The following CHCHD3 variants were observed in gnomAD, a reference collection of about 807,000 sequenced individuals.
The protein encoded by CHCHD3 is MICOS complex subunit MIC19.
A neutral mutation model predicts 38.2 loss-of-function variants in CHCHD3; 20 were observed. The observed-to-expected ratio is 0.52, with a 90% confidence interval of 0.37 to 0.76. The LOEUF (loss-of-function observed/expected upper bound fraction) is 0.76. Among genes scored for constraint, CHCHD3 ranks in the 30% least tolerant of loss-of-function variants. CHCHD3 has a pLI of 0.00. For missense variants in CHCHD3, 245 were observed against 279.2 expected (o/e 0.88, Z 0.87); for synonymous variants, 82 against 100.0 (o/e 0.82, Z 1.07).
chr7:132,995,350 A>T (rs1377537610), intron 3 of CHCHD3, among the ~76,000 whole-genome samples: 6 of 152,232 alleles, frequency 3.9e-5, no homozygotes, highest in African/African-American at 7.2e-5. Context: ...TAACAAGTCC[A>T]TCACCTCCCA....
At chr7:133,020,481 G>A (rs1813149324) in intron 3 of CHCHD3, among the ~76,000 whole-genome samples, 1 of 152,214 alleles carries the variant, frequency 6.6e-6, no homozygotes, top group Non-Finnish European at 1.5e-5. Flanking sequence ...AAGGGCTTCT[G>A]CATTAAGTAG....
chr7:132,880,034 A>C (rs1809013927), intron 5 of CHCHD3, among the ~76,000 whole-genome samples: 1 of 152,166 alleles, frequency 6.6e-6, no homozygotes, highest in Non-Finnish European at 1.5e-5. Flanking sequence ...AATGCTTAAC[A>C]CTTTTAGGTT....
chr7:132,837,714 C>T (rs537725443), intron 6 of CHCHD3, among the ~76,000 whole-genome samples: 7 of 152,196 alleles, frequency 4.6e-5, no homozygotes, highest in South Asian at 2.1e-4. Context: ...CACTAATTTG[C>T]GCATGTGCTA....
chr7:132,850,589 C>T (rs1808197042), intron 5 of CHCHD3, among the ~76,000 whole-genome samples: 1 of 151,896 alleles, frequency 6.6e-6, no homozygotes, highest in Non-Finnish European at 1.5e-5. Context: ...TTAAAATAAA[C>T]AACTGCACCA....
At chr7:133,052,187 T>TA (rs1562949239) in intron 2 of CHCHD3, 1 of 152,246 alleles carries the variant, frequency 6.6e-6, no homozygotes, top group Non-Finnish European at 1.5e-5. Context: ...CCCCTCATTG[T>TA]ATCAATTGCC....
At chr7:132,831,100 G>A (rs991111139) in intron 6 of CHCHD3, among the ~76,000 whole-genome samples, 10 of 152,112 alleles carry the variant, frequency 6.6e-5, no homozygotes, top group African/African-American at 1.4e-4. Context: ...CTGTAATATC[G>A]CATTCTTTTC....
intron 6 of CHCHD3, among the ~76,000 whole-genome samples, chr7:132,815,305 C>A (rs1053420261): frequency 2.6e-5 from 4 of 152,166 alleles, no homozygotes; most frequent in African/African-American, 9.7e-5. Context: ...TAAACTAAGG[C>A]CTTTGCCCAG....
chr7:132,863,786 T>C (rs566431376), intron 5 of CHCHD3, among the ~76,000 whole-genome samples: 348 of 152,366 alleles, frequency 2.3e-3, no homozygotes, highest in African/African-American at 7.0e-3. Flanking sequence ...CTTGCATTTT[T>C]ATGTTATGGA....
intron 4 of CHCHD3, among the ~76,000 whole-genome samples, chr7:132,939,412 A>T (rs976299025): frequency 1.3e-5 from 2 of 152,150 alleles, no homozygotes; most frequent in Non-Finnish European, 1.5e-5. Flanking sequence ...CTGTACCTTT[A>T]TAAATATGTT....
rs569007516 is a variant in CHCHD3, at chr7:132,999,694, T to C, written c.252-24408A>G. On this transcript the variant is annotated intron_variant, in intron 3 of 7. Transcript: ENST00000262570. ...ATCTATTATTCAATTTGATATTACA[T>C]GTTTTAAGCATTGATTAAAGTATTT... is the stretch of plus-strand genomic sequence containing the variant. Among the ~76,000 whole-genome samples the C allele has an allele frequency of 3.9e-5, 6 of 152,192 alleles. No individual in the cohort carries two copies. In the South Asian group the frequency reaches 1.2e-3, roughly 32 times the overall value.
chr7:132,833,053 T>C (rs556596626), intron 6 of CHCHD3, among the ~76,000 whole-genome samples: 8 of 152,244 alleles, frequency 5.3e-5, no homozygotes, highest in Non-Finnish European at 8.8e-5. Flanking sequence ...ATTTATTACT[T>C]TGTGCTAGGT....
chr7:132,962,311 T>C (rs1170092702), intron 4 of CHCHD3, among the ~76,000 whole-genome samples: 1 of 152,206 alleles, frequency 6.6e-6, no homozygotes, highest in Non-Finnish European at 1.5e-5. Context: ...AAAAACTCAA[T>C]TTATACGTAT....
At chr7:132,950,165 G>A (rs183103865) in intron 4 of CHCHD3, among the ~76,000 whole-genome samples, 3 of 152,202 alleles carry the variant, frequency 2.0e-5, no homozygotes, top group Admixed American at 6.5e-5. Flanking sequence ...GAGGTCATTT[G>A]GCTTTTTTAA....
chr7:133,039,465 C>G (rs910562297), intron 2 of CHCHD3, among the ~76,000 whole-genome samples: 2 of 152,154 alleles, frequency 1.3e-5, no homozygotes, highest in Admixed American at 6.5e-5. Flanking sequence ...TTAATCCATG[C>G]TGATAAATCA....
chr7:132,933,909 G>A (rs552967768), intron 4 of CHCHD3, among the ~76,000 whole-genome samples: 6 of 152,238 alleles, frequency 3.9e-5, no homozygotes, highest in Admixed American at 3.9e-4. Context: ...GTTTCAGGTA[G>A]CCTATCTGGG....
intron 7 of CHCHD3, among the ~76,000 whole-genome samples, chr7:132,793,020 C>T (rs1219314263): frequency 1.1e-4 from 16 of 152,300 alleles, no homozygotes; most frequent in East Asian, 5.8e-4. Flanking sequence ...CAAACCCTTT[C>T]GACACCCTTC....
intron 4 of CHCHD3, among the ~76,000 whole-genome samples, chr7:132,895,632 G>T (rs569822239): frequency 6.6e-6 from 1 of 152,350 alleles, no homozygotes; most frequent in South Asian, 2.1e-4. Flanking sequence ...CCTCATGACA[G>T]TGAATAAGTC....
chr7:132,942,625 A>G (rs1056075756), intron 4 of CHCHD3, among the ~76,000 whole-genome samples: 2 of 152,196 alleles, frequency 1.3e-5, no homozygotes, highest in African/African-American at 4.8e-5. Context: ...TTAAAAGAAG[A>G]TATCCATAAG....
At chr7:132,925,182 G>A (rs1449951342) in intron 4 of CHCHD3, among the ~76,000 whole-genome samples, 2 of 152,018 alleles carry the variant, frequency 1.3e-5, no homozygotes, top group Non-Finnish European at 2.9e-5. Context: ...TGGGAGAAAT[G>A]GTAGAAGAAA....
Sources: gnomAD v4.1 joint callset for allele counts (sites outside exome capture counted in the v4.1 genomes callset) on GRCh38, gnomAD v4.1.1 for gene constraint, MANE v1.5 for transcripts, NCBI Gene and HGNC (gene_info 2026-07-23, HGNC 2026-07-21) for gene names.